Variants in PCYOX1L observed in about 807,000 individuals in gnomAD.
PCYOX1L encodes prenylcysteine oxidase 1-like.
PCYOX1L carries 40 observed loss-of-function variants against 44.1 expected under a neutral mutation model. The ratio of observed to expected loss-of-function variants is 0.91; its 90% CI spans 0.70 to 1.18. The LOEUF is 1.18. Ranked by LOEUF, PCYOX1L falls within the 50% of genes most tolerant of loss-of-function variation. The pLI is 0.00. For synonymous variants in PCYOX1L, 266 were observed against 282.8 expected (o/e 0.94, Z 0.60); for missense variants, 605 against 653.3 (o/e 0.93, Z 0.81).
chr5:149,362,328 A>C, intron 1 of PCYOX1L: 1 of 374,612 alleles, frequency 2.7e-6, no homozygotes, highest in Non-Finnish European at 5.0e-6. Context: ...AGTGAGTTTT[A>C]TATAAAACTA....
chr5:149,359,453 A>T (rs1316127786), intron 1 of PCYOX1L, among the ~76,000 whole-genome samples: 1 of 152,234 alleles, frequency 6.6e-6, no homozygotes, highest in African/African-American at 2.4e-5. Flanking sequence ...TGAGCCAGGC[A>T]TTGAAGGATG....
In PCYOX1L at chr5:149,368,128, C is replaced by T. The variant is rs750338083; in HGVS notation, c.959C>T (p.Pro320Leu). 37 of 1,613,156 alleles carry T rather than the reference C, an allele frequency of 2.3e-5. No individual in the cohort carries two copies. The highest frequency in any genetic ancestry group is 4.5e-5 in the East Asian group (2 of 44,860). ...SSNLTFAGFH[P>L]PIDDVQGSFQ... ...AACTTAACCTTTGCAGGCTTCCACC[C>T]GCCCATTGATGACGTGCAGGGCTCT... Residue 320 changes from proline to leucine, a missense_variant, in exon 6 of 6, where the codon CCG becomes CTG. Coordinates refer to ENST00000274569, the MANE Select transcript of PCYOX1L (RefSeq NM_024028.4).
intron 3 of PCYOX1L, chr5:149,365,633 A>C (rs573296394): frequency 5.1e-4 from 195 of 381,670 alleles, no homozygotes; most frequent in Non-Finnish European, 1.5e-4. Flanking sequence ...CAGCTGGGTG[A>C]AGAAAGGGTT....
intron 4 of PCYOX1L, 69 bp downstream of exon 4, chr5:149,366,222 G>T: frequency 6.6e-7 from 1 of 1,516,712 alleles, no homozygotes. Context: ...TGGGCTGGGG[G>T]TCCCCATAAT....
At position 149,364,053 on chromosome 5, in the gene PCYOX1L, G is replaced by T. The variant is rs903229894; in HGVS notation, c.313G>T (p.Glu105Ter). 4.3e-6 allele frequency: 7 copies of T among 1,613,896 alleles called. No homozygotes were observed. Among genetic ancestry groups the T allele is most frequent in the Non-Finnish European group, 5.9e-6 (7 of 1,179,938 alleles). ...VKLLGLRHRR[E>*]VVGRSAIFGG... is the part of the protein sequence containing the mutation. ...CTCTGCAGGGCTGAGGCACCGGCGC[G>T]AGGTGGTGGGCAGGAGCGCCATCTT... The change falls in exon 3 of 6, where the codon GAG becomes TAG. Residue 105 changes from glutamate to a stop codon, truncating the protein, a stop_gained. Coordinates refer to ENST00000274569, the MANE Select transcript of PCYOX1L (RefSeq NM_024028.4). LOFTEE classifies it high-confidence loss of function.
chr5:149,362,371 T>C lies in PCYOX1L; in HGVS notation c.89-266T>C, dbSNP rs577558751. The C allele has an allele frequency of 4.7e-4, 234 of 493,852 alleles. 1 individual carries two copies. The highest frequency in any genetic ancestry group is 7.7e-4 in the Non-Finnish European group (210 of 272,616). The allele number at this position is 493,852 out of a possible 1,614,324, so 30.6% of individuals were successfully genotyped here. ...TCTCTTTAATTGGTCATCCTGACTT[T>C]CAGTATTCTTTGCTGGTCTTTTGCT... is the stretch of plus-strand genomic sequence containing the variant. On this transcript the variant is annotated intron_variant, in intron 1 of 5. Coordinates refer to ENST00000274569, the MANE Select transcript of PCYOX1L (RefSeq NM_024028.4).
intron 5 of PCYOX1L, among the ~76,000 whole-genome samples, chr5:149,367,733 G>A (rs1415823077): frequency 9.9e-5 from 15 of 152,230 alleles, no homozygotes; most frequent in Admixed American, 9.2e-4. Context: ...GTTGACCGAT[G>A]AGGACTTTGA....
Position 149,364,188 on chromosome 5 carries a change from G to A in PCYOX1L, c.448G>A (p.Glu150Lys). 1 of 1,614,140 alleles carries A rather than the reference G, an allele frequency of 6.2e-7. No individual in the cohort carries two copies. The highest frequency in any genetic ancestry group is 8.5e-7 in the Non-Finnish European group (1 of 1,180,046). The change falls in exon 3 of 6, where the codon GAG (glutamate) becomes AAG (lysine). Residue 150 changes from glutamate to lysine, a missense_variant. Coordinates refer to ENST00000274569, the MANE Select transcript of PCYOX1L (RefSeq NM_024028.4). ...CCTGAGGCTGCAGATGTGGGTGGAG[G>A]AGGTCATGGAGAAGTTCATGAGGTA... Reference protein sequence around the residue: ...SFLRLQMWVEEVMEKFMRIYK... With the variant: ...SFLRLQMWVEKVMEKFMRIYK...
At position 149,358,113 on chromosome 5, in the gene PCYOX1L, C is replaced by A; in HGVS notation, c.45C>A (p.Leu15=). 2.1e-6 allele frequency: 3 copies of A among 1,444,570 alleles called. No individual in the cohort carries two copies. Among genetic ancestry groups the A allele is most frequent in the South Asian group, 2.7e-5 (2 of 74,146 alleles). The allele number at this position is 1,444,570 out of a possible 1,614,324, so 89.5% of individuals were successfully genotyped here. The change falls in exon 1 of 6, where the codon CTC becomes CTA. Residue 15 remains leucine (L), a synonymous_variant. Transcript: ENST00000274569. ...APLLAALTAL[L]AAAAAGGDAP... is the part of the protein sequence containing the mutation. Reference sequence around the variant, plus strand: ...TGCTCGCCGCGTTGACCGCGCTCCTCGCCGCCGCCGCTGCTGGCGGAGATG... The same window carrying A: ...TGCTCGCCGCGTTGACCGCGCTCCTAGCCGCCGCCGCTGCTGGCGGAGATG...
In PCYOX1L at chr5:149,365,927, C is replaced by T; in HGVS notation, c.471-15C>T. 1.9e-6 allele frequency: 3 copies of T among 1,613,978 alleles called. No homozygotes were observed. Among genetic ancestry groups the T allele is most frequent in the Non-Finnish European group, 1.7e-6 (2 of 1,179,894 alleles). On this transcript the variant is annotated splice_polypyrimidine_tract_variant and intron_variant, in intron 3 of 5. Coordinates refer to ENST00000274569, the MANE Select transcript of PCYOX1L (RefSeq NM_024028.4). ...GCCTTCCTGCACAAGGACTCCAGCT[C>T]TATGTGTCTTCTAGGATCTATAAGT... is the stretch of plus-strand genomic sequence containing the variant.
At chr5:149,362,598 C>T (rs1367012241) in intron 1 of PCYOX1L, 39 bp from the exon 2 acceptor site, 2 of 1,608,156 alleles carry the variant, frequency 1.2e-6, no homozygotes, top group East Asian at 2.2e-5. Flanking sequence ...CTCTCATGTT[C>T]TGTCTCTCTT....
intron 3 of PCYOX1L, chr5:149,365,741 C>A (rs768058915): frequency 4.0e-5 from 24 of 602,076 alleles, no homozygotes; most frequent in Non-Finnish European, 6.5e-5. Context: ...GGATTCCATA[C>A]CTTCACACTC....
chr5:149,368,473 C>G lies in PCYOX1L; in HGVS notation c.1304C>G (p.Pro435Arg), dbSNP rs756342950. Residue 435 changes from proline (P) to arginine (R), a missense_variant, in exon 6 of 6, where the codon CCG (proline) becomes CGG (arginine). By Grantham distance (103) the Pro-to-Arg change is moderately radical (BLOSUM62 -2). Coordinates refer to ENST00000274569, the MANE Select transcript of PCYOX1L (RefSeq NM_024028.4). ...CTCTATGGCTCCCGCCCCACGCTCC[C>G]GAGGTTTGCACTCCATGACCAGCTC... ...HPLYGSRPTL[P>R]RFALHDQLFY... 1.9e-6 allele frequency: 3 copies of G among 1,613,158 alleles called. No homozygotes were observed. Among genetic ancestry groups the G allele is most frequent in the African/African-American group, 2.7e-5 (2 of 74,918 alleles).
chr5:149,368,520 T>G lies in PCYOX1L; in HGVS notation c.1351T>G (p.Trp451Gly). 2 of 1,610,742 alleles carry G rather than the reference T, an allele frequency of 1.2e-6. No individual in the cohort carries two copies. Among genetic ancestry groups the G allele is most frequent in the Non-Finnish European group, 1.7e-6 (2 of 1,178,414 alleles). ...DQLFYLNALEWAASSVEVMAV... is the reference protein window; with the variant it reads ...DQLFYLNALEGAASSVEVMAV... ...GCTCTTCTACCTCAATGCCCTGGAG[T>G]GGGCGGCCAGCTCCGTGGAGGTGAT... Residue 451 changes from tryptophan to glycine, a missense_variant, in exon 6 of 6, where the codon TGG becomes GGG. Trp to Gly is a radical substitution (Grantham distance 184, BLOSUM62 -2). Transcript: ENST00000274569.
chr5:149,361,194 A>T (rs946872826), intron 1 of PCYOX1L, among the ~76,000 whole-genome samples: 3 of 152,158 alleles, frequency 2.0e-5, no homozygotes, highest in African/African-American at 7.2e-5. Context: ...GGATCACTTG[A>T]GCTCAGGAGT....
At position 149,363,391 on chromosome 5, in the gene PCYOX1L, C is replaced by T. The variant is rs115187975; in HGVS notation, c.295+548C>T. 1,477 of 281,866 alleles carry T rather than the reference C, an allele frequency of 5.2e-3. 21 individuals are homozygous for T. Among genetic ancestry groups the T allele is most frequent in the African/African-American group, 0.03 (1,391 of 45,986 alleles). 17.5% of individuals were successfully genotyped at this position (281,866 alleles called of 1,614,324 possible). ...ACAGATGTGCAAAGTAGCATAGATA[C>T]CAAGTTATTCACTACAGCATTGTTT... On this transcript the variant is annotated intron_variant, in intron 2 of 5. Transcript: ENST00000274569.
chr5:149,366,268 G>C (rs1464223272), intron 4 of PCYOX1L, 115 bp downstream of exon 4: 1 of 1,074,608 alleles, frequency 9.3e-7, no homozygotes, highest in Non-Finnish European at 1.3e-6. Context: ...CAGTCACATA[G>C]GCACTCTGCT....
intron 1 of PCYOX1L, among the ~76,000 whole-genome samples, chr5:149,359,627 C>T (rs1476550292): frequency 6.6e-6 from 1 of 152,222 alleles, no homozygotes; most frequent in Non-Finnish European, 1.5e-5. Flanking sequence ...ACATTTCTCA[C>T]CATTGGGGAA....
chr5:149,367,041 A>G (rs1488421123), intron 4 of PCYOX1L, among the ~76,000 whole-genome samples: 1 of 151,696 alleles, frequency 6.6e-6, no homozygotes, highest in East Asian at 1.9e-4. Context: ...CACCTCCCCA[A>G]CACCCCCCGG....
Sources: allele counts gnomAD v4.1 joint callset (sites outside exome capture counted in the v4.1 genomes callset), GRCh38; gene constraint gnomAD v4.1.1; transcripts MANE v1.5; gene names NCBI Gene and HGNC (gene_info 2026-07-23, HGNC 2026-07-21).